RBFOX1: variants seen among roughly 807,000 people sequenced by gnomAD.
The protein encoded by RBFOX1 is RNA binding fox-1 homolog 1, also known as RNA binding protein fox-1 homolog 1.
Under a neutral mutation model 57.7 loss-of-function variants are expected in RBFOX1, and 8 were observed. That is an observed-to-expected ratio of 0.14 (90% confidence interval 0.08 to 0.25). The LOEUF is 0.25. RBFOX1 is among the 10% of genes least tolerant of loss of function. RBFOX1 has a pLI of 1.00. For missense variants in RBFOX1, 611 were observed against 548.5 expected, an observed-to-expected ratio of 1.11 and a Z score of -1.14; for synonymous variants, 326 against 222.4, an observed-to-expected ratio of 1.47 and a Z score of -4.15.
At chr16:6,575,084 T>G (rs981370991) in intron 2 of RBFOX1, among the ~76,000 whole-genome samples, 1 of 150,078 alleles carries the variant, frequency 6.7e-6, no homozygotes, top group Admixed American at 6.6e-5. Context: ...AATGCTATCG[T>G]GTAGTTGCTT....
At position 6,863,725 on chromosome 16, in the gene RBFOX1, C is replaced by CTTTTTTTTTTTTTTTTTTTTTTTTT. The variant is rs71408412; in HGVS notation, c.-15-188329_-15-188305dup. ...CGGAAGCACAAATTGGATGCCTGCG[C>CTTTTTTTTTTTTTTTTTTTTTTTTT]TTTTTTTTTTTTTTTTTTTTTTTTT... On this transcript the variant is annotated intron_variant, in intron 3 of 15. Coordinates refer to ENST00000550418, the MANE Select transcript of RBFOX1 (RefSeq NM_018723.4). Among the ~76,000 whole-genome samples, 41 of 67,774 alleles carry CTTTTTTTTTTTTTTTTTTTTTTTTT rather than the reference C, an allele frequency of 6.0e-4. 6 individuals carry two copies. The highest frequency in any genetic ancestry group is 1.5e-3 in the African/African-American group (20 of 13,384). 44.5% of individuals were successfully genotyped at this position (67,774 alleles called of 152,430 possible).
intron 3 of RBFOX1, among the ~76,000 whole-genome samples, chr16:5,775,997 C>T (rs779886906): frequency 4.6e-5 from 7 of 152,102 alleles, no homozygotes; most frequent in African/African-American, 9.7e-5. Context: ...CATCACCTGG[C>T]CCAGGCTGCA....
chr16:6,317,025 A>G lies in RBFOX1; in HGVS notation c.-96A>G. On this transcript the variant is annotated 5_prime_UTR_variant, in exon 2 of 16. Coordinates refer to ENST00000550418, the MANE Select transcript of RBFOX1 (RefSeq NM_018723.4). ...TGGTCAAAGAACTCATGCAAGTGGA[A>G]CTTACAGCTTCCTTGATCGGACTCA... 6.5e-7 allele frequency: 1 copy of G among 1,535,614 alleles called. No homozygotes were observed. Among genetic ancestry groups the G allele is most frequent in the Non-Finnish European group, 8.7e-7 (1 of 1,146,550 alleles).
chr16:6,811,456 A>T (rs868608013), intron 3 of RBFOX1, among the ~76,000 whole-genome samples: 5 of 152,158 alleles, frequency 3.3e-5, no homozygotes, highest in South Asian at 2.1e-4. Flanking sequence ...TCCTCTATGA[A>T]TATTGTAAAA....
intron 4 of RBFOX1, among the ~76,000 whole-genome samples, chr16:7,352,583 C>A: frequency 6.6e-6 from 1 of 152,126 alleles, no homozygotes; most frequent in East Asian, 1.9e-4. Flanking sequence ...GAAGAGTCAT[C>A]CTGGCCTTGC....
chr16:5,746,315 A>C (rs1403423309), intron 3 of RBFOX1, among the ~76,000 whole-genome samples: 1 of 152,228 alleles, frequency 6.6e-6, no homozygotes, highest in African/African-American at 2.4e-5. Flanking sequence ...TTTTTGTACC[A>C]GTACCATGCT....
chr16:7,439,955 T>C (rs915617889), intron 4 of RBFOX1, among the ~76,000 whole-genome samples: 6 of 148,904 alleles, frequency 4.0e-5, no homozygotes, highest in Non-Finnish European at 9.0e-5. Context: ...CTTTCTTTTT[T>C]TTTTTTTTTT....
chr16:6,768,222 A>G (rs1372620792), intron 3 of RBFOX1, among the ~76,000 whole-genome samples: 3 of 152,126 alleles, frequency 2.0e-5, no homozygotes, highest in African/African-American at 7.2e-5. Flanking sequence ...ACCGAAAACA[A>G]AAGAAACAAG....
intron 12 of RBFOX1, chr16:7,664,723 C>G (rs777961120): frequency 6.3e-6 from 5 of 797,082 alleles, no homozygotes; most frequent in East Asian, 2.7e-5. Context: ...CATCCTAATT[C>G]TGGGCCAACA....
chr16:7,461,866 T>A (rs1365779143), intron 4 of RBFOX1, among the ~76,000 whole-genome samples: 1 of 152,170 alleles, frequency 6.6e-6, no homozygotes, highest in Non-Finnish European at 1.5e-5. Flanking sequence ...GCAGTGACTG[T>A]GAGAGCCCTC....
intron 4 of RBFOX1, among the ~76,000 whole-genome samples, chr16:7,174,184 CTT>C (rs142061515): frequency 2.7e-5 from 4 of 150,142 alleles, no homozygotes; most frequent in Non-Finnish European, 1.5e-5. Context: ...CCATGATAAA[CTT>C]TTTTTTTTCG....
chr16:6,407,464 G>A (rs1196320981), intron 2 of RBFOX1, among the ~76,000 whole-genome samples: 1 of 151,022 alleles, frequency 6.6e-6, no homozygotes, highest in African/African-American at 2.4e-5. Flanking sequence ...ATCTATGTCT[G>A]TATTTATACA....
chr16:6,487,286 T>C (rs1872681979), intron 2 of RBFOX1, among the ~76,000 whole-genome samples: 1 of 152,012 alleles, frequency 6.6e-6, no homozygotes, highest in South Asian at 2.1e-4. Context: ...AAGCCCAATT[T>C]CACTGCCTAG....
At chr16:6,510,464 T>A (rs1292671531) in intron 2 of RBFOX1, among the ~76,000 whole-genome samples, 3 of 152,210 alleles carry the variant, frequency 2.0e-5, no homozygotes, top group African/African-American at 7.2e-5. Context: ...AGATGTGATT[T>A]TGGTCACAGA....
intron 3 of RBFOX1, among the ~76,000 whole-genome samples, chr16:5,803,087 A>C (rs1175642291): frequency 6.6e-6 from 1 of 152,158 alleles, no homozygotes; most frequent in Non-Finnish European, 1.5e-5. Flanking sequence ...CACCCAGACA[A>C]TGGCAGGAAT....
chr16:6,816,267 C>G (rs1323960361), intron 3 of RBFOX1, among the ~76,000 whole-genome samples: 2 of 152,184 alleles, frequency 1.3e-5, no homozygotes, highest in Admixed American at 6.5e-5. Context: ...TATGATCACA[C>G]TATTGCACTC....
At chr16:7,380,949 T>C (rs2097773229) in intron 4 of RBFOX1, among the ~76,000 whole-genome samples, 1 of 152,348 alleles carries the variant, frequency 6.6e-6, no homozygotes, top group Non-Finnish European at 1.5e-5. Flanking sequence ...AAGAACAGTA[T>C]TTTGAATCTC....
intron 1 of RBFOX1, among the ~76,000 whole-genome samples, chr16:6,214,755 G>GA (rs2097323019): frequency 8.7e-6 from 1 of 115,556 alleles, no homozygotes; most frequent in Non-Finnish European, 1.8e-5. Context: ...AGGAGAAGGG[G>GA]AGAGAGAAGG....
chr16:6,151,750 T>A (rs1241743402), intron 1 of RBFOX1, among the ~76,000 whole-genome samples: 1 of 152,194 alleles, frequency 6.6e-6, no homozygotes, highest in Non-Finnish European at 1.5e-5. Flanking sequence ...AGTGTGGGTA[T>A]GAGGGAGTGA....
Sources: gnomAD v4.1 joint callset for allele counts (sites outside exome capture counted in the v4.1 genomes callset) on GRCh38, gnomAD v4.1.1 for gene constraint, MANE v1.5 for transcripts, NCBI Gene and HGNC (gene_info 2026-07-23, HGNC 2026-07-21) for gene names.